KCNH8: variants seen among roughly 807,000 people sequenced by gnomAD.
KCNH8 encodes the protein potassium voltage-gated channel subfamily H member 8.
Under a neutral mutation model 103.6 loss-of-function variants are expected in KCNH8, and 70 were observed. That is an observed-to-expected ratio of 0.68 (90% confidence interval 0.56 to 0.82). The LOEUF is 0.82. Ranked by LOEUF, KCNH8 falls within the 40% of genes least tolerant of loss-of-function variation. The pLI is 0.00. For synonymous variants in KCNH8, 498 were observed against 489.4 expected, an observed-to-expected ratio of 1.02 and a Z score of -0.23; for missense variants, 1,217 against 1,329.9, an observed-to-expected ratio of 0.92 and a Z score of 1.32.
At chr3:19,356,110 A>G (rs1029123462) in intron 5 of KCNH8, among the ~76,000 whole-genome samples, 6 of 151,940 alleles carry the variant, frequency 3.9e-5, no homozygotes, top group African/African-American at 1.4e-4. Flanking sequence ...CGTAAACTCC[A>G]TACAAAAGTA....
intron 1 of KCNH8, among the ~76,000 whole-genome samples, chr3:19,248,873 C>T (rs549050500): frequency 1.2e-3 from 185 of 152,232 alleles, no homozygotes; most frequent in African/African-American, 4.3e-3. Flanking sequence ...AGTGGTGCTC[C>T]ATATTAGGAG....
chr3:19,258,043 G>A (rs1438803717), intron 2 of KCNH8, among the ~76,000 whole-genome samples: 1 of 151,904 alleles, frequency 6.6e-6, no homozygotes, highest in Admixed American at 6.6e-5. Flanking sequence ...TTTTAAATGA[G>A]GGTATCAGTC....
In KCNH8 at chr3:19,390,542, A is replaced by G. The variant is rs755094750; in HGVS notation, c.873A>G (p.Ala291=). The G allele has an allele frequency of 1.9e-6, 3 of 1,613,334 alleles. No individual in the cohort carries two copies. The East Asian group carries it at 6.7e-5, about 36-fold the overall frequency. The part of the protein sequence containing the change: ...VSKSGQVIFE[A]RSICIHYVTT... ...AGTCTGGCCAAGTTATCTTTGAAGC[A>G]AGATCAATTTGCATCCACTATGTCA... The change falls in exon 6 of 16, where the codon GCA becomes GCG. Residue 291 remains alanine (A), a synonymous_variant. Coordinates refer to ENST00000328405, the MANE Select transcript of KCNH8 (RefSeq NM_144633.3).
At chr3:19,254,332 A>T (rs2064319386) in intron 2 of KCNH8, among the ~76,000 whole-genome samples, 1 of 151,994 alleles carries the variant, frequency 6.6e-6, no homozygotes. Flanking sequence ...AAAGGAAGTC[A>T]GTTAAAAAAA....
intron 3 of KCNH8, among the ~76,000 whole-genome samples, chr3:19,286,216 G>A (rs368692253): frequency 6.6e-6 from 1 of 152,142 alleles, no homozygotes; most frequent in East Asian, 1.9e-4. Context: ...GAACTGATTC[G>A]TGTCACTCCC....
chr3:19,378,155 A>G (rs1378681924), intron 5 of KCNH8, among the ~76,000 whole-genome samples: 1 of 152,060 alleles, frequency 6.6e-6, no homozygotes, highest in Non-Finnish European at 1.5e-5. Context: ...GTTTTTCTTC[A>G]TTCCAGCCAG....
rs138481664 is a variant in KCNH8 at position 19,467,300 on chromosome 3, GACACAC to G, written c.2040+10340_2040+10345del. ...CCTTTCGCAGATTCATGTATAAGTA[GACACAC>G]ACACACACACACACACACACATGTG... On this transcript the variant is annotated intron_variant, in intron 11 of 15. Transcript: ENST00000328405. 1.0e-3 allele frequency among the ~76,000 whole-genome samples: 149 copies of G among 148,628 alleles called. No individual in the cohort carries two copies. In the Middle Eastern group the frequency reaches 0.017, roughly 17 times the overall value.
chr3:19,280,895 C>T (rs1293632948), intron 2 of KCNH8, among the ~76,000 whole-genome samples: 2 of 152,066 alleles, frequency 1.3e-5, no homozygotes, highest in African/African-American at 4.8e-5. Flanking sequence ...TGGAATGCTT[C>T]AGCATCAACG....
chr3:19,283,915 CTGGGTGACAGAGT>C (rs1267341716), intron 3 of KCNH8, among the ~76,000 whole-genome samples: 1 of 147,498 alleles, frequency 6.8e-6, no homozygotes, highest in Non-Finnish European at 1.5e-5. Flanking sequence ...GCACTCTAGC[CTGGGTGACAGAGT>C]GAGACCCTGT....
chr3:19,526,848 A>G (rs886589536), intron 15 of KCNH8, among the ~76,000 whole-genome samples: 19 of 152,162 alleles, frequency 1.2e-4, no homozygotes, highest in African/African-American at 3.1e-4. Flanking sequence ...ACAAAAAGTC[A>G]TAAGAAATTC....
At position 19,453,210 on chromosome 3, in the gene KCNH8, C is replaced by T. The variant is rs568489294; in HGVS notation, c.1825+1806C>T. On this transcript the variant is annotated intron_variant, in intron 10 of 15. Transcript: ENST00000328405. ...ACGGGAGACCAGGAAAAGTGGAAGACTGGAGGAGGGGCGTGAGGGATGAAA... is the reference window on the plus strand; with the variant it reads ...ACGGGAGACCAGGAAAAGTGGAAGATTGGAGGAGGGGCGTGAGGGATGAAA... 1.6e-3 allele frequency among the ~76,000 whole-genome samples: 236 copies of T among 152,116 alleles called. 1 individual carries two copies. Among genetic ancestry groups the T allele is most frequent in the East Asian group, 2.5e-3 (13 of 5,160 alleles).
chr3:19,369,466 T>C (rs2066057589), intron 5 of KCNH8, among the ~76,000 whole-genome samples: 1 of 151,940 alleles, frequency 6.6e-6, no homozygotes, highest in Non-Finnish European at 1.5e-5. Flanking sequence ...TTCTCTCCTT[T>C]CTCTCCGCTG....
chr3:19,433,738 T>G (rs1397543405), intron 7 of KCNH8, among the ~76,000 whole-genome samples: 1 of 152,240 alleles, frequency 6.6e-6, no homozygotes, highest in Non-Finnish European at 1.5e-5. Context: ...CTGACATTAG[T>G]GGGAATTCCA....
At chr3:19,499,562 G>C (rs2068528159) in intron 11 of KCNH8, among the ~76,000 whole-genome samples, 2 of 152,196 alleles carry the variant, frequency 1.3e-5, no homozygotes, top group Admixed American at 6.5e-5. Flanking sequence ...TACCCTCAAA[G>C]GGTAACAGCA....
intron 11 of KCNH8, among the ~76,000 whole-genome samples, chr3:19,482,470 T>C (rs1402502671): frequency 6.6e-6 from 1 of 152,228 alleles, no homozygotes; most frequent in East Asian, 1.9e-4. Flanking sequence ...GACAGATCGA[T>C]AGTAATTCAT....
At chr3:19,439,672 C>T (rs2067250274) in intron 8 of KCNH8, among the ~76,000 whole-genome samples, 1 of 151,934 alleles carries the variant, frequency 6.6e-6, no homozygotes. Context: ...GACAATAATT[C>T]AAAATATATT....
intron 11 of KCNH8, among the ~76,000 whole-genome samples, chr3:19,508,264 C>T (rs1011318186): frequency 1.3e-5 from 2 of 151,918 alleles, no homozygotes; most frequent in Non-Finnish European, 1.5e-5. Context: ...GACTCTTGAC[C>T]GTCAGTACAT....
chr3:19,450,257 A>G lies in KCNH8; in HGVS notation c.1527A>G (p.Glu509=), dbSNP rs752937119. Residue 509 remains glutamate, a synonymous_variant, in exon 9 of 16, where the codon GAA becomes GAG. Coordinates refer to ENST00000328405, the MANE Select transcript of KCNH8 (RefSeq NM_144633.3). ...LPQQLKQRML[E]YFQTTWSVNN... The stretch of plus-strand genomic sequence containing the variant: ...AACAACTCAAGCAGAGGATGCTCGA[A>G]TATTTTCAAACAACCTGGTCAGTCA... 3.7e-6 allele frequency: 6 copies of G among 1,613,742 alleles called. No homozygotes were observed. Among genetic ancestry groups the G allele is most frequent in the Non-Finnish European group, 5.1e-6 (6 of 1,179,762 alleles).
intron 11 of KCNH8, among the ~76,000 whole-genome samples, chr3:19,463,255 T>C (rs1351975237): frequency 6.6e-6 from 1 of 152,120 alleles, no homozygotes; most frequent in East Asian, 1.9e-4. Context: ...TATATAATGA[T>C]AATTCATTGC....
Sources: gnomAD v4.1 joint callset for allele counts (sites outside exome capture counted in the v4.1 genomes callset) on GRCh38, gnomAD v4.1.1 for gene constraint, MANE v1.5 for transcripts, NCBI Gene and HGNC (gene_info 2026-07-23, HGNC 2026-07-21) for gene names.